Variants in ZNF385D observed in about 807,000 individuals in gnomAD.
The protein encoded by ZNF385D is zinc finger protein 659.
In ZNF385D, 15 loss-of-function variants were observed where a neutral mutation model predicts 35.8. That is an observed-to-expected ratio of 0.42 (90% CI 0.28 to 0.64). ZNF385D has a LOEUF of 0.64. Among genes scored for constraint, ZNF385D ranks in the 30% least tolerant of loss-of-function variants. The pLI, the probability that ZNF385D is intolerant of heterozygous loss-of-function variation, is 0.23. For missense variants in ZNF385D, 474 were observed against 494.6 expected (o/e 0.96, Z 0.39); for synonymous variants, 212 against 186.8 (o/e 1.13, Z -1.10).
intron 3 of ZNF385D, among the ~76,000 whole-genome samples, chr3:21,999,309 A>G (rs777095832): frequency 4.6e-5 from 7 of 152,190 alleles, no homozygotes; most frequent in Non-Finnish European, 1.0e-4. Flanking sequence ...CTGAAAGGAT[A>G]CTTGAGACAA....
At chr3:21,967,813 G>A (rs1416456398) in intron 3 of ZNF385D, among the ~76,000 whole-genome samples, 1 of 152,220 alleles carries the variant, frequency 6.6e-6, no homozygotes, top group Non-Finnish European at 1.5e-5. Context: ...GTTGGAGTAA[G>A]ATGGCTGAAC....
At position 22,170,716 on chromosome 3, in the gene ZNF385D, T is replaced by C. The variant is rs375079879; in HGVS notation, c.107-1681A>G. Among the ~76,000 whole-genome samples, 22 of 152,318 alleles carry C rather than the reference T, an allele frequency of 1.4e-4. No homozygotes were observed. The East Asian group carries it at 3.9e-3, about 27-fold the overall frequency. On this transcript the variant is annotated intron_variant, in intron 2 of 5. Transcript: ENST00000494108. Reference sequence around the variant, plus strand: ...GTAAGCATATCAGCTTTCCTTATTTTATATAAATAAAAAAATGTAAGTATC... The same window carrying C: ...GTAAGCATATCAGCTTTCCTTATTTCATATAAATAAAAAAATGTAAGTATC...
At chr3:21,430,911 A>G (rs1212620018) in intron 5 of ZNF385D, 1 of 152,204 alleles carries the variant, frequency 6.6e-6, no homozygotes, top group African/African-American at 2.4e-5. Context: ...TTATAAAAAC[A>G]GTGCTTTTGT....
At chr3:22,325,415 A>C (rs1694629633) in intron 2 of ZNF385D, among the ~76,000 whole-genome samples, 1 of 152,116 alleles carries the variant, frequency 6.6e-6, no homozygotes, top group African/African-American at 2.4e-5. Flanking sequence ...TAAATAGACA[A>C]ATTCTGGAAA....
At chr3:21,707,059 T>C (rs887684892) in intron 1 of ZNF385D, among the ~76,000 whole-genome samples, 10 of 152,196 alleles carry the variant, frequency 6.6e-5, no homozygotes, top group Non-Finnish European at 1.5e-4. Context: ...AACCCAGATG[T>C]GATTCAAATT....
At chr3:22,257,661 G>C (rs1008679692) in intron 2 of ZNF385D, among the ~76,000 whole-genome samples, 1 of 151,836 alleles carries the variant, frequency 6.6e-6, no homozygotes, top group Non-Finnish European at 1.5e-5. Flanking sequence ...TGAAGGATGT[G>C]AGAATGGTGT....
At chr3:22,123,956 C>CTT (rs1289766270) in intron 3 of ZNF385D, among the ~76,000 whole-genome samples, 5 of 86,648 alleles carry the variant, frequency 5.8e-5, no homozygotes, top group African/African-American at 7.8e-5. Flanking sequence ...CTCTCTCTCT[C>CTT]TCTCTCTATA....
intron 3 of ZNF385D, among the ~76,000 whole-genome samples, chr3:22,132,154 T>C (rs1703837072): frequency 6.6e-6 from 1 of 152,122 alleles, no homozygotes; most frequent in Non-Finnish European, 1.5e-5. Context: ...GTTGAAATCT[T>C]AACCCCTGTG....
At chr3:22,346,890 A>G (rs1181067572) in intron 2 of ZNF385D, among the ~76,000 whole-genome samples, 1 of 152,176 alleles carries the variant, frequency 6.6e-6, no homozygotes, top group East Asian at 1.9e-4. Flanking sequence ...ACACTATCAT[A>G]ATGGCATTTT....
chr3:22,236,176 GA>G (rs1185943816), intron 2 of ZNF385D, among the ~76,000 whole-genome samples: 1 of 151,858 alleles, frequency 6.6e-6, no homozygotes, highest in African/African-American at 2.4e-5. Flanking sequence ...TATAATCCAG[GA>G]AAAAATTTTA....
chr3:22,067,712 C>T (rs1246431083), intron 3 of ZNF385D, among the ~76,000 whole-genome samples: 1 of 152,186 alleles, frequency 6.6e-6, no homozygotes, highest in Non-Finnish European at 1.5e-5. Flanking sequence ...AGCAATTATT[C>T]TACAACTATT....
In ZNF385D at chr3:22,206,719, T is replaced by G. The variant is rs141188983; in HGVS notation, c.107-37684A>C. Among the ~76,000 whole-genome samples, 7 of 152,000 alleles carry G rather than the reference T, an allele frequency of 4.6e-5. No individual in the cohort carries two copies. In the Admixed American group the frequency reaches 4.6e-4, roughly 10 times the overall value. Reference sequence around the variant, plus strand: ...ATTAATAAGTAAATTGAAAAATTTCTTGAAACAAATGATAATAAGAACACA... The same window carrying G: ...ATTAATAAGTAAATTGAAAAATTTCGTGAAACAAATGATAATAAGAACACA... On this transcript the variant is annotated intron_variant, in intron 2 of 5. Coordinates refer to the ZNF385D transcript ENST00000494108.
intron 1 of ZNF385D, among the ~76,000 whole-genome samples, chr3:21,692,972 A>C (rs1315854207): frequency 6.6e-6 from 1 of 152,192 alleles, no homozygotes; most frequent in Non-Finnish European, 1.5e-5. Flanking sequence ...ATAAAGTAGA[A>C]AATTTATTTA....
At chr3:22,099,564 T>G (rs1245475236) in intron 3 of ZNF385D, among the ~76,000 whole-genome samples, 3 of 152,092 alleles carry the variant, frequency 2.0e-5, no homozygotes, top group African/African-American at 7.2e-5. Flanking sequence ...ACACAAGTGC[T>G]CACATAGGCT....
At chr3:21,701,186 A>G (rs1029934243) in intron 1 of ZNF385D, among the ~76,000 whole-genome samples, 3 of 152,178 alleles carry the variant, frequency 2.0e-5, no homozygotes, top group South Asian at 2.1e-4. Context: ...CATGTTGCTA[A>G]TAAAGACATA....
chr3:22,352,185 G>A (rs538698825), intron 2 of ZNF385D, among the ~76,000 whole-genome samples: 44 of 152,082 alleles, frequency 2.9e-4, no homozygotes, highest in African/African-American at 8.4e-4. Flanking sequence ...TACTTTTCCC[G>A]GCACATGTGA....
chr3:21,424,663 T>C (rs1265463066), intron 6 of ZNF385D, among the ~76,000 whole-genome samples: 1 of 149,172 alleles, frequency 6.7e-6, no homozygotes, highest in East Asian at 2.1e-4. Flanking sequence ...TTTTCCGAGC[T>C]TTTCTTCTTA....
At chr3:21,579,376 A>T (rs2063585671) in intron 2 of ZNF385D, 1 of 152,192 alleles carries the variant, frequency 6.6e-6, no homozygotes, top group Admixed American at 6.6e-5. Context: ...TGATGTGAAA[A>T]TAAAGGTAAG....
chr3:21,645,743 AAAG>A (rs1232619353), intron 2 of ZNF385D, among the ~76,000 whole-genome samples: 2 of 152,136 alleles, frequency 1.3e-5, no homozygotes, highest in African/African-American at 4.8e-5. Context: ...GGAAAGAATC[AAAG>A]AAGGACAACT....
Sources: allele counts gnomAD v4.1 joint callset (sites outside exome capture counted in the v4.1 genomes callset), GRCh38; gene constraint gnomAD v4.1.1; transcripts MANE v1.5; gene names NCBI Gene and HGNC (gene_info 2026-07-23, HGNC 2026-07-21).